ZBBX: variants seen among roughly 807,000 people sequenced by gnomAD.
ZBBX encodes the protein zinc finger B-box domain containing.
Under a neutral mutation model 108.5 loss-of-function variants are expected in ZBBX, and 101 were observed. That is an observed-to-expected ratio of 0.93 (90% CI 0.79 to 1.10). The LOEUF (loss-of-function observed/expected upper bound fraction) is 1.10. ZBBX is among the 50% of genes least tolerant of loss of function. The pLI, the probability that ZBBX is intolerant of heterozygous loss-of-function variation, is 0.00. For synonymous variants in ZBBX, 356 were observed against 323.4 expected (o/e 1.10, Z -1.08); for missense variants, 1,009 against 941.4 (o/e 1.07, Z -0.94).
At chr3:167,180,268 TCTC>T in the ZBBX span, among the ~76,000 whole-genome samples, 2 of 152,166 alleles carry the variant, frequency 1.3e-5, no homozygotes, top group African/African-American at 4.8e-5. Context: ...GAGACTAGGA[TCTC>T]CTCTAAGGAT....
intron 7 of ZBBX, among the ~76,000 whole-genome samples, chr3:167,360,355 T>G (rs1322178304): frequency 6.6e-6 from 1 of 151,376 alleles, no homozygotes; most frequent in Non-Finnish European, 1.5e-5. Context: ...TAGAGTGAAA[T>G]TTTAATTTAT....
the ZBBX span, among the ~76,000 whole-genome samples, chr3:167,207,168 C>G: frequency 2.6e-5 from 4 of 152,148 alleles, no homozygotes; most frequent in Non-Finnish European, 5.9e-5. Flanking sequence ...AGGAGACAAT[C>G]ACTGAAATGA....
chr3:167,406,976 A>G (rs1157964784), intron 1 of ZBBX, among the ~76,000 whole-genome samples: 1 of 152,218 alleles, frequency 6.6e-6, no homozygotes, highest in African/African-American at 2.4e-5. Flanking sequence ...GCCTCCTGAC[A>G]TAAGAACCAG....
At chr3:167,322,941 G>A (rs536633051) in intron 11 of ZBBX, among the ~76,000 whole-genome samples, 2 of 151,988 alleles carry the variant, frequency 1.3e-5, no homozygotes, top group African/African-American at 4.8e-5. Flanking sequence ...AGGCTAGAGG[G>A]TGTCCCAGCC....
intron 10 of ZBBX, among the ~76,000 whole-genome samples, chr3:167,330,672 G>A (rs536716657): frequency 3.4e-5 from 5 of 149,012 alleles, no homozygotes; most frequent in African/African-American, 1.3e-4. Context: ...TGGAAGGAAT[G>A]TTTGAGCATG....
rs764325971 is a variant in ZBBX at position 167,322,095 on chromosome 3, G to C, written c.983+22C>G. 3.1e-5 allele frequency: 37 copies of C among 1,178,444 alleles called. 1 individual carries two copies. Among genetic ancestry groups the C allele is most frequent in the Middle Eastern group, 4.3e-4 (2 of 4,624 alleles). 73.0% of individuals were successfully genotyped at this position (1,178,444 alleles called of 1,614,324 possible). ...TAAATAACTTTCATATTTCCTAATA[G>C]TATTATAATTTCAGAAAATACCTCC... On this transcript the variant is annotated intron_variant, in intron 12 of 21. Transcript: ENST00000675490.
intron 1 of ZBBX, among the ~76,000 whole-genome samples, chr3:167,392,325 C>T (rs1456877831): frequency 2.0e-5 from 3 of 151,636 alleles, no homozygotes; most frequent in Admixed American, 2.0e-4. Flanking sequence ...TTAATTGTAT[C>T]CAGTTTGTGT....
At chr3:167,187,375 A>G in the ZBBX span, among the ~76,000 whole-genome samples, 1 of 152,156 alleles carries the variant, frequency 6.6e-6, no homozygotes, top group Non-Finnish European at 1.5e-5. Flanking sequence ...AGAGTAGCTC[A>G]TGGGATATTG....
chr3:167,322,847 C>T (rs1428530850), intron 11 of ZBBX, among the ~76,000 whole-genome samples: 1 of 151,894 alleles, frequency 6.6e-6, no homozygotes, highest in Non-Finnish European at 1.5e-5. Context: ...GTTCCTGTCT[C>T]CAAACTGAAC....
chr3:167,368,836 T>C, intron 4 of ZBBX: 1 of 611,324 alleles, frequency 1.6e-6, no homozygotes, highest in East Asian at 8.0e-5. Context: ...TAACTTCATA[T>C]ATAAGGCATG....
At position 167,393,427 on chromosome 3, in the gene ZBBX, T is replaced by C. The variant is rs555582468; in HGVS notation, c.-445-13022A>G. Among the ~76,000 whole-genome samples the C allele has an allele frequency of 4.6e-5, 7 of 152,058 alleles. No homozygotes were observed. The East Asian group carries it at 1.4e-3, about 29-fold the overall frequency. On this transcript the variant is annotated intron_variant, in intron 1 of 21. Coordinates refer to the ZBBX transcript ENST00000455345. Reference sequence around the variant, plus strand: ...TTTCCATTGCTACTTATTTTATTCATTTTTATTGATTTTATCATGATCTTG... The same window carrying C: ...TTTCCATTGCTACTTATTTTATTCACTTTTATTGATTTTATCATGATCTTG...
chr3:167,287,072 C>T (rs926826627), intron 19 of ZBBX, among the ~76,000 whole-genome samples: 2 of 152,040 alleles, frequency 1.3e-5, no homozygotes, highest in African/African-American at 4.8e-5. Flanking sequence ...TGCCAATCTA[C>T]ACTTTTCAAT....
chr3:167,342,692 T>C (rs1740745975), intron 9 of ZBBX, among the ~76,000 whole-genome samples: 1 of 151,746 alleles, frequency 6.6e-6, no homozygotes, highest in Non-Finnish European at 1.5e-5. Flanking sequence ...AATTTGACTG[T>C]TTAAAATATC....
intron 16 of ZBBX, among the ~76,000 whole-genome samples, chr3:167,311,579 C>A (rs1032871145): frequency 1.3e-5 from 2 of 151,932 alleles, no homozygotes; most frequent in South Asian, 4.1e-4. Flanking sequence ...AACTCTTAAA[C>A]CTCAACAATA....
chr3:167,350,626 A>T, intron 8 of ZBBX, 111 bp from the exon 9 acceptor site: 1 of 675,340 alleles, frequency 1.5e-6, no homozygotes, highest in Non-Finnish European at 2.2e-6. Context: ...CTAATTAAAT[A>T]CCTATATCAT....
At chr3:167,254,903 T>TGAGAGA (rs1299675199) in intron 20 of ZBBX, among the ~76,000 whole-genome samples, 1 of 145,972 alleles carries the variant, frequency 6.9e-6, no homozygotes, top group African/African-American at 2.5e-5. Context: ...AGAGAGAGAA[T>TGAGAGA]GAGAGAGAGA....
chr3:167,191,061 T>C, the ZBBX span, among the ~76,000 whole-genome samples: 1 of 152,198 alleles, frequency 6.6e-6, no homozygotes, highest in African/African-American at 2.4e-5. Context: ...TGCAGAGACC[T>C]ACCAACCTTT....
intron 9 of ZBBX, among the ~76,000 whole-genome samples, chr3:167,341,312 T>C (rs552246330): frequency 1.3e-5 from 2 of 152,034 alleles, no homozygotes; most frequent in South Asian, 4.1e-4. Context: ...TAGTACTTTA[T>C]AAAATAACAT....
intron 4 of ZBBX, among the ~76,000 whole-genome samples, chr3:167,369,791 T>A (rs1745887666): frequency 6.6e-6 from 1 of 151,976 alleles, no homozygotes; most frequent in South Asian, 2.1e-4. Context: ...GAAGGTGAAG[T>A]ATGAGCTGAA....
Sources: gnomAD v4.1 joint callset for allele counts (sites outside exome capture counted in the v4.1 genomes callset) on GRCh38, gnomAD v4.1.1 for gene constraint, MANE v1.5 for transcripts, NCBI Gene and HGNC (gene_info 2026-07-23, HGNC 2026-07-21) for gene names.